Variants in FAN1 observed in about 807,000 individuals in gnomAD.
FAN1 encodes the protein FANCD2 and FANCI associated nuclease 1, also known as fanconi-associated nuclease 1.
In FAN1, 91 loss-of-function variants were observed where a neutral mutation model predicts 104.9. The ratio of observed to expected loss-of-function variants is 0.87; its 90% CI spans 0.73 to 1.03. The LOEUF is 1.03. Among genes scored for constraint, FAN1 ranks in the 50% least tolerant of loss-of-function variants. FAN1 has a pLI of 0.00. For synonymous variants in FAN1, 478 were observed against 457.6 expected (o/e 1.04, Z -0.57); for missense variants, 1,263 against 1,239.9 (o/e 1.02, Z -0.28).
chr15:30,940,206 C>T, intron 14 of FAN1: 1 of 985,366 alleles, frequency 1.0e-6, no homozygotes, highest in Non-Finnish European at 1.2e-6. Context: ...TGCCCCGTTT[C>T]ACTGCTGTAA....
At chr15:30,937,420 C>G (rs1198620919) in intron 14 of FAN1, among the ~76,000 whole-genome samples, 161 bp downstream of exon 14, 1 of 150,184 alleles carries the variant, frequency 6.7e-6, no homozygotes, top group Non-Finnish European at 1.5e-5. Flanking sequence ...TGAATACACT[C>G]ATTGATTCCA....
At chr15:30,929,765 A>AATAT (rs2062606602) in intron 12 of FAN1, among the ~76,000 whole-genome samples, 1 of 42,398 alleles carries the variant, frequency 2.4e-5, no homozygotes, top group African/African-American at 1.2e-4. Flanking sequence ...ATAATATATA[A>AATAT]AATATATAAT....
At position 30,942,280 on chromosome 15, in the gene FAN1, T is replaced by TATCA. The variant is rs2063080393; in HGVS notation, c.*719_*722dup. 1 of 646,112 alleles carries TATCA rather than the reference T, an allele frequency of 1.5e-6. No individual in the cohort carries two copies. Among genetic ancestry groups the TATCA allele is most frequent in the Non-Finnish European group, 2.6e-6 (1 of 384,728 alleles). The allele number at this position is 646,112 out of a possible 1,614,324, so 40.0% of individuals were successfully genotyped here. ...GTGTTGACTCTACCTAGGCTGTTAC[T>TATCA]ATCAGCCTGAATGGGGGCGGGATGA... On this transcript the variant is annotated 3_prime_UTR_variant, in exon 15 of 15. Coordinates refer to ENST00000362065, the MANE Select transcript of FAN1 (RefSeq NM_014967.5).
intron 14 of FAN1, chr15:30,939,514 T>TA (rs2062966677): frequency 1.0e-6 from 1 of 981,426 alleles, no homozygotes; most frequent in South Asian, 4.7e-5. Flanking sequence ...ATAATCATGA[T>TA]ATAACAACTG....
At chr15:30,922,454 C>T in intron 8 of FAN1, 100 bp downstream of exon 8, 3 of 1,190,450 alleles carry the variant, frequency 2.5e-6, no homozygotes, top group Non-Finnish European at 3.6e-6. Flanking sequence ...GTAATTAGAA[C>T]ATGTATTTCT....
intron 9 of FAN1, 23 bp from the exon 10 acceptor site, chr15:30,925,766 A>T: frequency 2.5e-6 from 4 of 1,613,520 alleles, no homozygotes; most frequent in Non-Finnish European, 2.5e-6. Flanking sequence ...AGGCTAATAG[A>T]TGTTATTCTG....
chr15:30,918,905 C>G (rs921481665), intron 6 of FAN1, among the ~76,000 whole-genome samples: 1 of 151,978 alleles, frequency 6.6e-6, no homozygotes, highest in African/African-American at 2.4e-5. Context: ...GGGTACCGAC[C>G]CCTCAGACAG....
At position 30,905,348 on chromosome 15, in the gene FAN1, CAT is replaced by C. The variant is rs1566906957; in HGVS notation, c.688_689del (p.Met230GlyfsTer5). 1.2e-6 allele frequency: 2 copies of C among 1,613,776 alleles called. No individual in the cohort carries two copies. Among genetic ancestry groups the C allele is most frequent in the South Asian group, 2.2e-5 (2 of 91,072 alleles). ...TCTAAAGGAAGAGTGCATTCCTGAACATATGGTAAGAGGAAGTAAAATAATGG... is the reference window on the plus strand; with the variant it reads ...TCTAAAGGAAGAGTGCATTCCTGAACATGGTAAGAGGAAGTAAAATAATGG... ...DSLKEECIPE[H>X]MVRGSKIMEA... On this transcript the variant is annotated frameshift_variant, in exon 2 of 15. Transcript: ENST00000362065. LOFTEE classifies it high-confidence loss of function.
In FAN1 at chr15:30,905,497, T is replaced by G; in HGVS notation, c.834T>G (p.Thr278=). Residue 278 remains threonine (T), a synonymous_variant, in exon 2 of 15, where the codon ACT becomes ACG. Coordinates refer to ENST00000362065, the MANE Select transcript of FAN1 (RefSeq NM_014967.5). ...CTCTTAGGAATACATTAAAGTCTAC[T>G]TCAGAAGACAGTCTTGTAAAGCAAG... ...DFTLRNTLKS[T]SEDSLVKQEC... 6.2e-7 allele frequency: 1 copy of G among 1,614,122 alleles called. No homozygotes were observed. Among genetic ancestry groups the G allele is most frequent in the Non-Finnish European group, 8.5e-7 (1 of 1,179,998 alleles).
At position 30,922,470 on chromosome 15, in the gene FAN1, T is replaced by G. The variant is rs1237921844; in HGVS notation, c.2172+116T>G. ...TAATTAGAACATGTATTTCTTTTGT[T>G]AACATTCTTCTTTTGTCTGTGTTCT... On this transcript the variant is annotated intron_variant, in intron 8 of 14. Transcript: ENST00000362065. The G allele has an allele frequency of 3.7e-6, 4 of 1,086,788 alleles. No homozygotes were observed. The African/African-American group carries it at 6.4e-5, about 17-fold the overall frequency. The allele number at this position is 1,086,788 out of a possible 1,614,324, so 67.3% of individuals were successfully genotyped here. A position where few individuals can be genotyped will look rare whatever the true frequency, so the allele number is the denominator to read the frequency against.
intron 13 of FAN1, 109 bp downstream of exon 13, chr15:30,930,780 AGAGCTTTTG>A: frequency 7.1e-7 from 1 of 1,400,770 alleles, no homozygotes; most frequent in Admixed American, 1.9e-5. Flanking sequence ...GAATTCCTTG[AGAGCTTTTG>A]GGCCGAGGGC....
Position 30,913,922 on chromosome 15 carries a change from A to G in FAN1, c.1642A>G (p.Ile548Val). 3 of 1,614,172 alleles carry G rather than the reference A, an allele frequency of 1.9e-6. No homozygotes were observed. Among genetic ancestry groups the G allele is most frequent in the Middle Eastern group, 1.6e-4 (1 of 6,062 alleles). The stretch of plus-strand genomic sequence containing the variant: ...AGGCCCCAGGGCTGTGTTTTCCCGC[A>G]TCTTGCTACTGTTTTCGTTGACCGA... ...CKGPRAVFSRILLLFSLTDSM... is the reference protein window; with the variant it reads ...CKGPRAVFSRVLLLFSLTDSM... The change falls in exon 5 of 15, where the codon ATC becomes GTC. Residue 548 changes from isoleucine (I) to valine (V), a missense_variant. Around this residue, in one of 2 missense-constraint regions of FAN1, gnomAD observed 581 missense variants for 668.8 expected, o/e 0.87. Transcript: ENST00000362065.
chr15:30,914,227 C>A, intron 5 of FAN1, 136 bp downstream of exon 5: 1 of 643,026 alleles, frequency 1.6e-6, no homozygotes, highest in Non-Finnish European at 2.7e-6. Flanking sequence ...TTTTGCCCCA[C>A]TTGTATACAT....
intron 12 of FAN1, among the ~76,000 whole-genome samples, chr15:30,929,947 A>G (rs1444898452): frequency 8.2e-6 from 1 of 122,544 alleles, no homozygotes; most frequent in Non-Finnish European, 1.6e-5. Context: ...AATATATAAT[A>G]TAATATATAT....
chr15:30,908,046 C>T (rs568070731), intron 2 of FAN1, 72 bp from the exon 3 acceptor site: 15 of 1,298,540 alleles, frequency 1.2e-5, no homozygotes, highest in Admixed American at 1.2e-4. Context: ...ATTTCTAAAT[C>T]GTACATTTAT....
At chr15:30,904,203 C>T (rs1192724095) in intron 1 of FAN1, among the ~76,000 whole-genome samples, 192 bp downstream of exon 1, 1 of 152,152 alleles carries the variant, frequency 6.6e-6, no homozygotes, top group Non-Finnish European at 1.5e-5. Context: ...CCATCTCACT[C>T]AGAAAAAGTT....
rs1288265268 is a variant in FAN1 at position 30,904,958 on chromosome 15, C to T, written c.295C>T (p.Pro99Ser). The T allele has an allele frequency of 1.9e-6, 3 of 1,613,792 alleles. No homozygotes were observed. The highest frequency in any genetic ancestry group is 2.2e-5 in the East Asian group (1 of 44,890). ...LTSVTLEDVT[P>S]KKSPPPKTNL... The stretch of plus-strand genomic sequence containing the variant: ...CAGTGTTACCTTAGAAGATGTAACA[C>T]CTAAGAAGTCACCACCACCAAAGAC... The change falls in exon 2 of 15, where the codon CCT (proline) becomes TCT (serine). Residue 99 changes from proline (P) to serine (S), a missense_variant. Pro to Ser is a moderately conservative substitution (Grantham distance 74, BLOSUM62 -1). This residue lies in a region of FAN1 where 682 missense variants were observed against 571.1 expected (regional missense o/e 1.19). Coordinates refer to ENST00000362065, the MANE Select transcript of FAN1 (RefSeq NM_014967.5).
At position 30,941,817 on chromosome 15, in the gene FAN1, G is replaced by A. The variant is rs763966306; in HGVS notation, c.*255G>A. On this transcript the variant is annotated 3_prime_UTR_variant, in exon 15 of 15. Coordinates refer to ENST00000362065, the MANE Select transcript of FAN1 (RefSeq NM_014967.5). ...CTGATCTGGGCCTCGGGAACCCAGC[G>A]GAAGTAGCACAGTTTCCACAGTTTT... The A allele has an allele frequency of 2.5e-6, 4 of 1,614,052 alleles. No individual in the cohort carries two copies. Among genetic ancestry groups the A allele is most frequent in the South Asian group, 2.2e-5 (2 of 91,080 alleles).
intron 4 of FAN1, among the ~76,000 whole-genome samples, chr15:30,912,643 A>G (rs2062122766): frequency 6.6e-6 from 1 of 152,166 alleles, no homozygotes; most frequent in African/African-American, 2.4e-5. Context: ...TTTTGGTTTA[A>G]TAGCTTCTGC....
Sources: gnomAD v4.1 joint callset for allele counts (sites outside exome capture counted in the v4.1 genomes callset) on GRCh38, gnomAD v4.1.1 for gene constraint, gnomAD v4.1.1 regional missense constraint, MANE v1.5 for transcripts, NCBI Gene and HGNC (gene_info 2026-07-23, HGNC 2026-07-21) for gene names.